Variants in COX16 observed in about 807,000 individuals in gnomAD.
The protein encoded by COX16 is cytochrome c oxidase assembly factor COX16.
Under a neutral mutation model 15.4 loss-of-function variants are expected in COX16, and 12 were observed. The ratio of observed to expected loss-of-function variants is 0.78; its 90% confidence interval spans 0.50 to 1.26. The LOEUF (loss-of-function observed/expected upper bound fraction) is 1.26. Among genes scored for constraint, COX16 ranks in the 50% most tolerant of loss-of-function variants. The pLI is 0.00. For synonymous variants in COX16, 46 were observed against 41.1 expected (o/e 1.12, Z -0.46); for missense variants, 124 against 127.6 (o/e 0.97, Z 0.14).
rs1484811413 is a variant in COX16, at chr14:70,338,217, A to T, written c.141+4441T>A. Among the ~76,000 whole-genome samples, 4 of 152,170 alleles carry T rather than the reference A, an allele frequency of 2.6e-5. 1 individual carries two copies. Among genetic ancestry groups the T allele is most frequent in the Non-Finnish European group, 5.9e-5 (4 of 68,030 alleles). ...CAGTCTCAAACTCCTGAGCTAAATCAATCCTCCCAGATCAGCCTCCGAGTA... is the reference window on the plus strand; with the variant it reads ...CAGTCTCAAACTCCTGAGCTAAATCTATCCTCCCAGATCAGCCTCCGAGTA... On this transcript the variant is annotated intron_variant, in intron 2 of 3. Transcript: ENST00000389912.
intron 1 of COX16, among the ~76,000 whole-genome samples, chr14:70,358,928 AAC>A (rs1022719665): frequency 3.3e-5 from 5 of 152,228 alleles, no homozygotes; most frequent in Non-Finnish European, 7.3e-5. Context: ...TAGAAATTAT[AAC>A]ACAGCAATCA....
At position 70,329,036 on chromosome 14, in the gene COX16, TTTG is replaced by T. The variant is rs1886188726; in HGVS notation, c.204+135_204+137del. 4.9e-6 allele frequency: 3 copies of T among 610,286 alleles called. No individual in the cohort carries two copies. The Admixed American group carries it at 1.8e-4, about 36-fold the overall frequency. 37.8% of individuals were successfully genotyped at this position (610,286 alleles called of 1,614,324 possible). On this transcript the variant is annotated intron_variant, in intron 3 of 3. Coordinates refer to ENST00000389912, the MANE Select transcript of COX16 (RefSeq NM_016468.7). Reference sequence around the variant, plus strand: ...TATTAAGTATGGATCCATCTTTTTATTTGCTTTTCAAATGATTATAGTTTATCA... The same window carrying T: ...TATTAAGTATGGATCCATCTTTTTATCTTTTCAAATGATTATAGTTTATCA...
Position 70,329,049 on chromosome 14 carries a change from T to TG in COX16, c.204+124dup. On this transcript the variant is annotated intron_variant, in intron 3 of 3. Transcript: ENST00000389912. ...TCCATCTTTTTATTTGCTTTTCAAA[T>TG]GATTATAGTTTATCAAATACCATAT... is the stretch of plus-strand genomic sequence containing the variant. 24 of 601,414 alleles carry TG rather than the reference T, an allele frequency of 4.0e-5. 1 individual carries two copies. The highest frequency in any genetic ancestry group is 1.4e-4 in the Admixed American group (2 of 14,564). The allele number at this position is 601,414 out of a possible 1,614,324, so 37.3% of individuals were successfully genotyped here.
Position 70,326,314 on chromosome 14 carries a change from GAA to G in COX16, c.*17_*18del. The G allele has an allele frequency of 7.0e-6, 10 of 1,421,178 alleles. No homozygotes were observed. In the South Asian group the frequency reaches 9.4e-5, roughly 13 times the overall value. The allele number at this position is 1,421,178 out of a possible 1,614,324, so 88.0% of individuals were successfully genotyped here. ...ATTTTTATTTAAAAAAAAAAAAAAG[GAA>G]AAAAGAATCAGCAGAGTCAAGTTGT... On this transcript the variant is annotated 3_prime_UTR_variant, in exon 4 of 4. Transcript: ENST00000389912.
chr14:70,349,770 ACT>A (rs1886891187), intron 1 of COX16, among the ~76,000 whole-genome samples: 1 of 152,056 alleles, frequency 6.6e-6, no homozygotes, highest in Non-Finnish European at 1.5e-5. Context: ...CCCTTACCAG[ACT>A]CTGAGCCCTT....
intron 1 of COX16, among the ~76,000 whole-genome samples, chr14:70,346,799 C>T (rs115161212): frequency 0.031 from 4,690 of 152,080 alleles, 234 homozygotes; most frequent in African/African-American, 0.11. Flanking sequence ...CTGAGCCACC[C>T]CTCCACTTTT....
At chr14:70,351,148 A>G (rs1336784746) in intron 1 of COX16, among the ~76,000 whole-genome samples, 1 of 152,174 alleles carries the variant, frequency 6.6e-6, no homozygotes, top group African/African-American at 2.4e-5. Flanking sequence ...AAAGGGTACA[A>G]TTTCTATCTT....
chr14:70,326,862 C>CA lies in COX16; in HGVS notation c.205-414dup, dbSNP rs1408186514. On this transcript the variant is annotated intron_variant, in intron 3 of 3. Coordinates refer to ENST00000389912, the MANE Select transcript of COX16 (RefSeq NM_016468.7). ...AGGGTGGAGACCCTAAAGTCTTCTACAAAAAAGAAAAGAGACCAAGATCAT... is the reference window on the plus strand; with the variant it reads ...AGGGTGGAGACCCTAAAGTCTTCTACAAAAAAAGAAAAGAGACCAAGATCAT... Among the ~76,000 whole-genome samples, 7 of 152,070 alleles carry CA rather than the reference C, an allele frequency of 4.6e-5. No individual in the cohort carries two copies. In the East Asian group the frequency reaches 5.8e-4, roughly 13 times the overall value.
In COX16 at chr14:70,325,264, A is replaced by G. The variant is rs1373861059; in HGVS notation, c.*1069T>C. The G allele has an allele frequency of 2.0e-5, 3 of 152,210 alleles. No individual in the cohort carries two copies. Among genetic ancestry groups the G allele is most frequent in the African/African-American group, 7.2e-5 (3 of 41,452 alleles). 9.4% of individuals were successfully genotyped at this position (152,210 alleles called of 1,614,324 possible). A position where few individuals can be genotyped will look rare whatever the true frequency, so the allele number is the denominator to read the frequency against. ...GGTAGAAGCTGATAAAGGCAGGGGTAAAAAGGAGAAAATGAGTTCAAAACA... is the reference window on the plus strand; with the variant it reads ...GGTAGAAGCTGATAAAGGCAGGGGTGAAAAGGAGAAAATGAGTTCAAAACA... On this transcript the variant is annotated 3_prime_UTR_variant, in exon 4 of 4. Transcript: ENST00000389912.
intron 2 of COX16, among the ~76,000 whole-genome samples, chr14:70,339,404 T>C (rs1287066596): frequency 1.3e-5 from 2 of 152,202 alleles, no homozygotes; most frequent in East Asian, 3.9e-4. Flanking sequence ...GCAAGATTTT[T>C]TTTTCCTGGG....
At chr14:70,330,381 G>A (rs1886244671) in intron 2 of COX16, among the ~76,000 whole-genome samples, 1 of 152,134 alleles carries the variant, frequency 6.6e-6, no homozygotes, top group African/African-American at 2.4e-5. Flanking sequence ...AATCTATAAT[G>A]AATAACCTCA....
intron 1 of COX16, among the ~76,000 whole-genome samples, chr14:70,348,139 A>G (rs1482881158): frequency 6.6e-6 from 1 of 152,134 alleles, no homozygotes; most frequent in African/African-American, 2.4e-5. Context: ...TTGAAGCCAC[A>G]GTTCTCAGAT....
chr14:70,352,796 T>C (rs1887002365), intron 1 of COX16, among the ~76,000 whole-genome samples: 1 of 151,882 alleles, frequency 6.6e-6, no homozygotes, highest in Non-Finnish European at 1.5e-5. Flanking sequence ...TGTACACATA[T>C]ACTGGAGAAA....
rs984012027 is a variant in COX16, at chr14:70,325,423, C to T, written c.*910G>A. The T allele has an allele frequency of 4.6e-5, 7 of 152,126 alleles. No individual in the cohort carries two copies. Among genetic ancestry groups the T allele is most frequent in the African/African-American group, 1.7e-4 (7 of 41,412 alleles). The allele number at this position is 152,126 out of a possible 1,614,324, so 9.4% of individuals were successfully genotyped here. On this transcript the variant is annotated 3_prime_UTR_variant, in exon 4 of 4. Coordinates refer to ENST00000389912, the MANE Select transcript of COX16 (RefSeq NM_016468.7). ...GGTGAAACCCCATCTCTACTAAATA[C>T]AAAAAATTAGCCGGGTGTGACAGCA...
chr14:70,358,979 T>C (rs557805890), intron 1 of COX16, among the ~76,000 whole-genome samples: 71 of 152,340 alleles, frequency 4.7e-4, no homozygotes, highest in African/African-American at 1.7e-3. Context: ...CTCAACACTT[T>C]ATTCACAAGG....
intron 1 of COX16, among the ~76,000 whole-genome samples, chr14:70,353,045 G>A (rs534590669): frequency 3.9e-5 from 6 of 152,022 alleles, no homozygotes; most frequent in African/African-American, 1.2e-4. Flanking sequence ...GGAGAATCAC[G>A]AGGTCAGGAG....
chr14:70,327,666 T>C (rs1021017221), intron 3 of COX16, among the ~76,000 whole-genome samples: 1 of 152,156 alleles, frequency 6.6e-6, no homozygotes, highest in Non-Finnish European at 1.5e-5. Flanking sequence ...AAGATTTTAA[T>C]AAAGAATAAT....
At chr14:70,354,561 T>C (rs1053684648) in intron 1 of COX16, among the ~76,000 whole-genome samples, 3 of 152,168 alleles carry the variant, frequency 2.0e-5, no homozygotes, top group African/African-American at 7.2e-5. Context: ...AACACATCAA[T>C]GTGCAAGGAG....
At chr14:70,351,336 T>G (rs1422681014) in intron 1 of COX16, among the ~76,000 whole-genome samples, 1 of 152,112 alleles carries the variant, frequency 6.6e-6, no homozygotes, top group Non-Finnish European at 1.5e-5. Flanking sequence ...AATATTTTAT[T>G]AATAAATACA....
Sources: allele counts gnomAD v4.1 joint callset (sites outside exome capture counted in the v4.1 genomes callset), GRCh38; gene constraint gnomAD v4.1.1; transcripts MANE v1.5; gene names NCBI Gene and HGNC (gene_info 2026-07-23, HGNC 2026-07-21).